The following FGF13 variants were observed in gnomAD, a reference collection of about 807,000 sequenced individuals.
FGF13 encodes fibroblast growth factor homologous factor 2.
A neutral mutation model predicts 19.5 loss-of-function variants in FGF13; 2 were observed. That is an observed-to-expected ratio of 0.10 (90% CI 0.04 to 0.32). FGF13 has a LOEUF of 0.32. FGF13 is among the 10% of genes least tolerant of loss of function. The pLI is 1.00. For missense variants in FGF13, 113 were observed against 192.7 expected (o/e 0.59, Z 2.45); for synonymous variants, 72 against 76.9 (o/e 0.94, Z 0.33).
intron 1 of FGF13, among the ~76,000 whole-genome samples, chrX:139,089,846 T>C (rs1208851394): frequency 2.7e-5 from 3 of 111,236 alleles, no homozygotes; most frequent in Non-Finnish European, 5.7e-5. Context: ...TGACCATCAT[T>C]ATTATTATTA....
chrX:138,617,109 A>C lies in FGF13; in HGVS notation c.*15741T>G, dbSNP rs1193291094. On this transcript the variant is annotated 3_prime_UTR_variant, in exon 5 of 5. Coordinates refer to ENST00000315930, the MANE Select transcript of FGF13 (RefSeq NM_004114.5). Reference sequence around the variant, plus strand: ...GGTGATTAATATTTGTAGTGATAGGAATATTCTATATCTTGAAAGGAGTTT... The same window carrying C: ...GGTGATTAATATTTGTAGTGATAGGCATATTCTATATCTTGAAAGGAGTTT... 1 of 111,903 alleles carries C rather than the reference A, an allele frequency of 8.9e-6. No homozygotes were observed. The highest frequency in any genetic ancestry group is 1.9e-5 in the Non-Finnish European group (1 of 53,229). The allele number at this position is 111,903 out of a possible 1,213,427, so 9.2% of individuals were successfully genotyped here. A position where few individuals can be genotyped will look rare whatever the true frequency, so the allele number is the denominator to read the frequency against.
intron 1 of FGF13, among the ~76,000 whole-genome samples, chrX:138,977,569 T>A (rs1471239014): frequency 8.9e-6 from 1 of 112,643 alleles, no homozygotes; most frequent in African/African-American, 3.2e-5. Flanking sequence ...ACCATAAGTG[T>A]CTTCATATAC....
At chrX:139,008,320 GC>G (rs2092112718) in intron 1 of FGF13, among the ~76,000 whole-genome samples, 1 of 112,183 alleles carries the variant, frequency 8.9e-6, no homozygotes, top group Non-Finnish European at 1.9e-5. Context: ...GGGCAAGTTT[GC>G]ATCCTTCCTA....
At chrX:138,683,287 T>C (rs1223410546) in intron 3 of FGF13, among the ~76,000 whole-genome samples, 1 of 110,713 alleles carries the variant, frequency 9.0e-6, no homozygotes, top group African/African-American at 3.3e-5. Flanking sequence ...AAAAAAATGT[T>C]TGAAGATGGG....
At chrX:139,039,036 G>A (rs2092259974) in intron 1 of FGF13, among the ~76,000 whole-genome samples, 1 of 112,446 alleles carries the variant, frequency 8.9e-6, no homozygotes, top group Admixed American at 9.4e-5. Context: ...CTTGCTGAAG[G>A]TTAATCAGCT....
At chrX:139,064,954 G>C (rs1212679263) in intron 1 of FGF13, among the ~76,000 whole-genome samples, 1 of 110,596 alleles carries the variant, frequency 9.0e-6, no homozygotes, top group African/African-American at 3.3e-5. Context: ...TCTTCCTCTT[G>C]ATCAATTTGG....
chrX:139,170,738 A>G, intron 1 of FGF13, among the ~76,000 whole-genome samples: 1 of 111,607 alleles, frequency 9.0e-6, no homozygotes, highest in East Asian at 2.8e-4. Context: ...AATATGCTAT[A>G]AATATCTGTT....
At chrX:138,920,185 T>C (rs2091637660) in intron 1 of FGF13, among the ~76,000 whole-genome samples, 1 of 110,844 alleles carries the variant, frequency 9.0e-6, no homozygotes, top group Non-Finnish European at 1.9e-5. Context: ...ATAATAATAG[T>C]AATAGAAAAA....
At chrX:138,972,106 T>C (rs1431050096) in intron 1 of FGF13, among the ~76,000 whole-genome samples, 1 of 109,241 alleles carries the variant, frequency 9.2e-6, no homozygotes, top group African/African-American at 3.3e-5. Context: ...TATTCATCCA[T>C]TGATGGACAT....
rs772020534 is a variant in FGF13 at position 138,666,950 on chromosome X, G to T, written c.403-31295C>A. Among the ~76,000 whole-genome samples, 9 of 109,142 alleles carry T rather than the reference G, an allele frequency of 8.2e-5. No homozygotes were observed. The South Asian group carries it at 3.4e-3, about 42-fold the overall frequency. The allele number at this position is 109,142 out of a possible 115,157, so 94.8% of individuals were successfully genotyped here. Reference sequence around the variant, plus strand: ...ATTCAACCACTAAAATGTAGATTAAGAATAATATTTTAATATATAGAGGAA... The same window carrying T: ...ATTCAACCACTAAAATGTAGATTAATAATAATATTTTAATATATAGAGGAA... On this transcript the variant is annotated intron_variant, in intron 3 of 4. Transcript: ENST00000315930.
intron 1 of FGF13, among the ~76,000 whole-genome samples, chrX:139,133,391 C>T (rs1440573368): frequency 2.8e-5 from 3 of 105,848 alleles, no homozygotes; most frequent in African/African-American, 1.0e-4. Flanking sequence ...GTGAGAAACG[C>T]CCAAGATGAG....
rs1556225883 is a variant in FGF13 at position 138,830,687 on chromosome X, T to TGTGTGTG, written c.217+26824_217+26825insCACACAC. Reference sequence around the variant, plus strand: ...CCATGTAAAGAGTGAAAAGGGGTGTTTGTGTGTGTGTGTGTGTGTGTGTGT... The same window carrying TGTGTGTG: ...CCATGTAAAGAGTGAAAAGGGGTGTTGTGTGTGTGTGTGTGTGTGTGTGTGTGTGTGT... On this transcript the variant is annotated intron_variant, in intron 3 of 6. Transcript: ENST00000436198. Among the ~76,000 whole-genome samples the TGTGTGTG allele has an allele frequency of 8.0e-5, 7 of 87,520 alleles. No individual in the cohort carries two copies. In the South Asian group the frequency reaches 4.1e-3, roughly 51 times the overall value. 76.0% of individuals were successfully genotyped at this position (87,520 alleles called of 115,157 possible). A position where few individuals can be genotyped will look rare whatever the true frequency, so the allele number is the denominator to read the frequency against.
At chrX:138,881,041 G>A (rs995518884) in intron 1 of FGF13, among the ~76,000 whole-genome samples, 1 of 111,741 alleles carries the variant, frequency 8.9e-6, no homozygotes, top group Admixed American at 9.5e-5. Flanking sequence ...ACATTATTAA[G>A]TCTTTCTATT....
chrX:138,781,355 T>G (rs1241969063), intron 3 of FGF13, among the ~76,000 whole-genome samples: 1 of 109,408 alleles, frequency 9.1e-6, no homozygotes, highest in Non-Finnish European at 1.9e-5. Flanking sequence ...AAAAAACCCT[T>G]CAAAAAATTA....
chrX:138,704,028 CT>C (rs745816474), intron 2 of FGF13, among the ~76,000 whole-genome samples: 1 of 112,294 alleles, frequency 8.9e-6, no homozygotes, highest in South Asian at 3.7e-4. Flanking sequence ...AGTAGTATTT[CT>C]TAAAGGACCA....
chrX:139,155,100 G>T (rs1178879465), intron 1 of FGF13, among the ~76,000 whole-genome samples: 1 of 111,096 alleles, frequency 9.0e-6, no homozygotes, highest in East Asian at 2.8e-4. Context: ...TACTTATCCT[G>T]CCATCACAAG....
upstream of FGF13, among the ~76,000 whole-genome samples, chrX:138,742,048 G>A (rs1471424348): frequency 9.0e-6 from 1 of 111,508 alleles, no homozygotes; most frequent in Non-Finnish European, 1.9e-5. Flanking sequence ...AATCTTTCAA[G>A]TAGAACCTTC....
intron 1 of FGF13, among the ~76,000 whole-genome samples, chrX:138,894,633 C>A (rs1260584324): frequency 9.0e-6 from 1 of 110,809 alleles, no homozygotes; most frequent in East Asian, 2.8e-4. Context: ...CCTGAATAGA[C>A]CAATAACAGG....
chrX:138,901,311 G>A (rs114860013), intron 1 of FGF13, among the ~76,000 whole-genome samples: 1,609 of 111,317 alleles, frequency 0.014, 35 homozygotes, highest in African/African-American at 0.05. Context: ...ATGATGAAGC[G>A]CACGGTGGGG....
Sources: allele counts gnomAD v4.1 joint callset (sites outside exome capture counted in the v4.1 genomes callset), GRCh38; gene constraint gnomAD v4.1.1; transcripts MANE v1.5; gene names NCBI Gene and HGNC (gene_info 2026-07-23, HGNC 2026-07-21).